The following MORC1 variants were observed in gnomAD, a reference collection of about 807,000 sequenced individuals.
The protein encoded by MORC1 is MORC family CW-type zinc finger 1.
In MORC1, 59 loss-of-function variants were observed where a neutral mutation model predicts 134.9. The ratio of observed to expected loss-of-function variants is 0.44; its 90% CI spans 0.35 to 0.54. The LOEUF is 0.54. MORC1 is among the 20% of genes least tolerant of loss of function. MORC1 has a pLI of 0.00. For synonymous variants in MORC1, 395 were observed against 391.7 expected, an observed-to-expected ratio of 1.01 and a Z score of -0.10; for missense variants, 947 against 1,134.5, an observed-to-expected ratio of 0.83 and a Z score of 2.37.
intron 21 of MORC1, among the ~76,000 whole-genome samples, chr3:108,996,307 C>CACACACACACACACACACACA (rs1052240440): frequency 2.0e-5 from 3 of 148,312 alleles, no homozygotes; most frequent in African/African-American, 4.9e-5. Context: ...CACACACACA[C>CACACACACACACACACACACA]AACTAGAATT....
chr3:109,110,651 C>T (rs1317242343), intron 3 of MORC1, 98 bp downstream of exon 3: 7 of 1,038,692 alleles, frequency 6.7e-6, no homozygotes, highest in Non-Finnish European at 9.9e-6. Context: ...CATTAAAATT[C>T]TATAGAATGT....
chr3:108,989,363 T>C (rs1460279447), intron 21 of MORC1, among the ~76,000 whole-genome samples: 2 of 152,222 alleles, frequency 1.3e-5, no homozygotes, highest in African/African-American at 4.8e-5. Flanking sequence ...AGATTATAGC[T>C]AAGTCTTAAC....
At chr3:109,047,186 T>C (rs1169012460) in intron 14 of MORC1, among the ~76,000 whole-genome samples, 1 of 152,184 alleles carries the variant, frequency 6.6e-6, no homozygotes. Context: ...CCTCATATTG[T>C]ACATTAGGTT....
At chr3:109,019,293 C>T (rs527507025) in intron 17 of MORC1, among the ~76,000 whole-genome samples, 6 of 152,236 alleles carry the variant, frequency 3.9e-5, no homozygotes, top group African/African-American at 1.2e-4. Flanking sequence ...TCAAAGAGCT[C>T]GTAAGCATTG....
At chr3:109,050,858 A>C (rs1949807260) in intron 14 of MORC1, among the ~76,000 whole-genome samples, 2 of 152,176 alleles carry the variant, frequency 1.3e-5, no homozygotes, top group African/African-American at 4.8e-5. Flanking sequence ...AAAGGTGACT[A>C]GGCTAAATGA....
At chr3:109,096,623 C>G (rs1485580285) in intron 6 of MORC1, among the ~76,000 whole-genome samples, 2 of 152,134 alleles carry the variant, frequency 1.3e-5, no homozygotes, top group Non-Finnish European at 2.9e-5. Flanking sequence ...TAATCAACCC[C>G]TAGTTTAGCA....
At chr3:109,032,881 T>A in intron 15 of MORC1, 56 bp from the exon 16 acceptor site, 1 of 1,157,300 alleles carries the variant, frequency 8.6e-7, no homozygotes, top group Non-Finnish European at 1.3e-6. Context: ...TCTATCATAG[T>A]AAGATGTCAG....
chr3:108,993,306 C>T (rs1948116626), intron 21 of MORC1, among the ~76,000 whole-genome samples: 1 of 152,138 alleles, frequency 6.6e-6, no homozygotes, highest in South Asian at 2.1e-4. Flanking sequence ...GCTGGTAGTT[C>T]AGACTTTAGC....
At chr3:109,030,393 A>G (rs1949213330) in intron 16 of MORC1, among the ~76,000 whole-genome samples, 1 of 152,114 alleles carries the variant, frequency 6.6e-6, no homozygotes, top group African/African-American at 2.4e-5. Context: ...CATCAGAACA[A>G]TTTCTTCCCC....
At chr3:109,052,591 G>A (rs1021781204) in intron 14 of MORC1, among the ~76,000 whole-genome samples, 3 of 152,064 alleles carry the variant, frequency 2.0e-5, no homozygotes, top group African/African-American at 7.2e-5. Flanking sequence ...GAGTTCCTAC[G>A]CTTTTCCGTT....
At chr3:109,090,926 A>T (rs1477875329) in intron 8 of MORC1, among the ~76,000 whole-genome samples, 2 of 152,090 alleles carry the variant, frequency 1.3e-5, no homozygotes, top group African/African-American at 4.8e-5. Flanking sequence ...TATATTATAA[A>T]CTGCACCAGA....
At chr3:108,971,666 A>C (rs1489961399) in intron 24 of MORC1, among the ~76,000 whole-genome samples, 1 of 152,172 alleles carries the variant, frequency 6.6e-6, no homozygotes, top group Non-Finnish European at 1.5e-5. Flanking sequence ...TGACTGCATC[A>C]ATGTCAATAT....
chr3:109,000,778 G>A (rs1357050702), intron 20 of MORC1, 120 bp from the exon 21 acceptor site: 8 of 690,782 alleles, frequency 1.2e-5, no homozygotes, highest in Admixed American at 5.9e-5. Context: ...GATATATAGC[G>A]AAAATTCAAT....
intron 14 of MORC1, among the ~76,000 whole-genome samples, chr3:109,040,432 GAAAGAAAGAAA>G (rs1559912661): frequency 6.6e-5 from 6 of 90,830 alleles, no homozygotes; most frequent in African/African-American, 1.8e-4. Context: ...AGGAAGGAAA[GAAAGAAAGAAA>G]GAAAGAAAGA....
rs1946997229 is a variant in MORC1, at chr3:108,958,626, C to T, written c.*339G>A. On this transcript the variant is annotated 3_prime_UTR_variant, in exon 28 of 28. Coordinates refer to ENST00000232603, the MANE Select transcript of MORC1 (RefSeq NM_014429.4). The stretch of plus-strand genomic sequence containing the variant: ...GCTTTTAAATGTTTTTAAGGAATAA[C>T]AAAATTACAATAACAATCTTTTAAG... 1 of 154,110 alleles carries T rather than the reference C, an allele frequency of 6.5e-6. No homozygotes were observed. The highest frequency in any genetic ancestry group is 2.4e-5 in the African/African-American group (1 of 41,504). 9.5% of individuals were successfully genotyped at this position (154,110 alleles called of 1,614,324 possible).
chr3:109,072,001 C>T (rs1950328992), intron 8 of MORC1, among the ~76,000 whole-genome samples: 3 of 152,172 alleles, frequency 2.0e-5, no homozygotes, highest in Admixed American at 2.0e-4. Context: ...TTTTCTCTCA[C>T]ATGCCTACTT....
chr3:109,052,835 C>A (rs900708339), intron 14 of MORC1, among the ~76,000 whole-genome samples: 4 of 152,034 alleles, frequency 2.6e-5, no homozygotes, highest in African/African-American at 9.7e-5. Flanking sequence ...TACAGACGAC[C>A]TATAGAATGG....
At position 108,958,979 on chromosome 3, in the gene MORC1, T is replaced by C. The variant is rs201034263; in HGVS notation, c.2941A>G (p.Thr981Ala). ...CCATCTCTGACTTAATTTTCCGAAG[T>C]CTTTTCATTTTTTTCTAAAGGGAGT... ...HRLPLEKNEKTSEN is the reference protein window; with the variant it reads ...HRLPLEKNEKASEN Residue 981 changes from threonine to alanine, a missense_variant, in exon 28 of 28, where the codon ACT becomes GCT. Around this residue, in one of 3 missense-constraint regions of MORC1, gnomAD observed 722 missense variants for 817.0 expected, o/e 0.88. Coordinates refer to ENST00000232603, the MANE Select transcript of MORC1 (RefSeq NM_014429.4). 163 of 1,500,064 alleles carry C rather than the reference T, an allele frequency of 1.1e-4. No homozygotes were observed. Among genetic ancestry groups the C allele is most frequent in the Non-Finnish European group, 1.4e-4 (158 of 1,125,036 alleles). The allele number at this position is 1,500,064 out of a possible 1,614,324, so 92.9% of individuals were successfully genotyped here. A position where few individuals can be genotyped will look rare whatever the true frequency, so the allele number is the denominator to read the frequency against.
chr3:109,000,300 T>C (rs988204938), intron 21 of MORC1, among the ~76,000 whole-genome samples: 1 of 152,182 alleles, frequency 6.6e-6, no homozygotes, highest in Non-Finnish European at 1.5e-5. Flanking sequence ...TACATATATA[T>C]TAAGGCTTTC....
Sources: gnomAD v4.1 joint callset for allele counts (sites outside exome capture counted in the v4.1 genomes callset) on GRCh38, gnomAD v4.1.1 for gene constraint, gnomAD v4.1.1 regional missense constraint, MANE v1.5 for transcripts, NCBI Gene and HGNC (gene_info 2026-07-23, HGNC 2026-07-21) for gene names.